IRAG1: variants seen among roughly 807,000 people sequenced by gnomAD.
IRAG1 encodes IP3R-associated cGMP kinase substrate.
Under a neutral mutation model 106.2 loss-of-function variants are expected in IRAG1, and 62 were observed. The ratio of observed to expected loss-of-function variants is 0.58; its 90% confidence interval spans 0.48 to 0.72. IRAG1 has a LOEUF of 0.72. Ranked by LOEUF, IRAG1 falls within the 30% of genes least tolerant of loss-of-function variation. The probability of loss-of-function intolerance (pLI) is 0.00; values close to 1 mark genes in which losing one functional copy is unlikely to be tolerated. For missense variants in IRAG1, 1,064 were observed against 1,140.7 expected (o/e 0.93, Z 0.97); for synonymous variants, 462 against 443.9 (o/e 1.04, Z -0.51).
chr11:10,667,384 A>G (rs988265278), intron 1 of IRAG1, among the ~76,000 whole-genome samples: 1 of 152,034 alleles, frequency 6.6e-6, no homozygotes, highest in Non-Finnish European at 1.5e-5. Flanking sequence ...ACTGGTTGGG[A>G]GCAGCAGCTC....
At chr11:10,633,489 T>C (rs1297313013) in intron 3 of IRAG1, among the ~76,000 whole-genome samples, 1 of 152,238 alleles carries the variant, frequency 6.6e-6, no homozygotes, top group Non-Finnish European at 1.5e-5. Context: ...TGTGAGCCCA[T>C]GTCCCTGCCA....
At chr11:10,623,694 C>T in intron 10 of IRAG1, 84 bp downstream of exon 10, 1 of 1,255,766 alleles carries the variant, frequency 8.0e-7, no homozygotes, top group South Asian at 1.2e-5. Context: ...CACAGGAAGT[C>T]TTGTGTTTAC....
At chr11:10,586,669 C>T (rs558055367) in intron 18 of IRAG1, among the ~76,000 whole-genome samples, 3 of 152,262 alleles carry the variant, frequency 2.0e-5, no homozygotes, top group Admixed American at 6.5e-5. Context: ...CCACCTGCCT[C>T]GGCCTCCCAA....
intron 1 of IRAG1, among the ~76,000 whole-genome samples, chr11:10,667,140 C>A (rs199757960): frequency 7.3e-6 from 1 of 136,518 alleles, no homozygotes; most frequent in Non-Finnish European, 1.6e-5. Flanking sequence ...TTTTTTTTTT[C>A]GTTTTTTTGT....
Position 10,659,874 on chromosome 11 carries a change from C to A in IRAG1, c.68-7692G>T, listed in dbSNP as rs1244105411. The stretch of plus-strand genomic sequence containing the variant: ...CTTGCCCAGTTCTGTTTGTTCCAGG[C>A]TGCTCAGCAGCCTCTTCCCTGAGTC... On this transcript the variant is annotated intron_variant, in intron 1 of 20. Coordinates refer to ENST00000423302, the MANE Select transcript of IRAG1 (RefSeq NM_130385.4). This position sits in a 1 kb window ranked among gnomAD's most constrained non-coding sequence, Gnocchi z 4.1. Among the ~76,000 whole-genome samples the A allele has an allele frequency of 5.3e-5, 8 of 152,018 alleles. No individual in the cohort carries two copies. Among genetic ancestry groups the A allele is most frequent in the African/African-American group, 9.7e-5 (4 of 41,378 alleles).
chr11:10,620,025 A>T (rs1855713645), intron 10 of IRAG1, among the ~76,000 whole-genome samples: 1 of 152,204 alleles, frequency 6.6e-6, no homozygotes, highest in Non-Finnish European at 1.5e-5. Flanking sequence ...AATTGGTATA[A>T]TTTTGTAAGC....
intron 10 of IRAG1, among the ~76,000 whole-genome samples, chr11:10,613,261 CAAA>C (rs34065353): frequency 1.5e-3 from 195 of 132,976 alleles, no homozygotes; most frequent in East Asian, 2.4e-3. Context: ...ATGCTTCATA[CAAA>C]AAAAAAAAAA....
rs148655946 is a variant in IRAG1 at position 10,606,837 on chromosome 11, T to G, written c.1572-65A>C. 468 of 1,455,468 alleles carry G rather than the reference T, an allele frequency of 3.2e-4. No individual in the cohort carries two copies. The African/African-American group carries it at 5.1e-3, about 16-fold the overall frequency. The allele number at this position is 1,455,468 out of a possible 1,614,324, so 90.2% of individuals were successfully genotyped here. A position where few individuals can be genotyped will look rare whatever the true frequency, so the allele number is the denominator to read the frequency against. On this transcript the variant is annotated intron_variant, in intron 11 of 20. Transcript: ENST00000423302. Reference sequence around the variant, plus strand: ...TAGTCAATAGACCCAAAGGTGACTCTGAATGACCAGCAGACCATGTGTTTC... The same window carrying G: ...TAGTCAATAGACCCAAAGGTGACTCGGAATGACCAGCAGACCATGTGTTTC...
At chr11:10,613,803 T>C (rs972527066) in intron 10 of IRAG1, among the ~76,000 whole-genome samples, 3 of 152,210 alleles carry the variant, frequency 2.0e-5, no homozygotes, top group Non-Finnish European at 4.4e-5. Flanking sequence ...CATGTTCTTA[T>C]CTTCCGTATT....
intron 2 of IRAG1, among the ~76,000 whole-genome samples, chr11:10,635,463 A>T (rs1459489862): frequency 6.6e-6 from 1 of 152,078 alleles, no homozygotes; most frequent in African/African-American, 2.4e-5. Flanking sequence ...GGTGGGCCAA[A>T]TCCTTCTAGA....
intron 15 of IRAG1, 64 bp from the exon 16 acceptor site, chr11:10,594,259 C>CA: frequency 1.6e-5 from 23 of 1,482,714 alleles, no homozygotes; most frequent in Non-Finnish European, 1.9e-5. Context: ...CAGCAGGAAA[C>CA]AGAAACTAGG....
At chr11:10,687,784 G>A (rs1176960559) in intron 1 of IRAG1, 1 of 1,289,024 alleles carries the variant, frequency 7.8e-7, no homozygotes, top group African/African-American at 1.5e-5. Context: ...ATCTCTGGAG[G>A]GGAACAGACA....
At chr11:10,615,898 G>A (rs917025069) in intron 10 of IRAG1, among the ~76,000 whole-genome samples, 2 of 137,644 alleles carry the variant, frequency 1.5e-5, no homozygotes, top group Non-Finnish European at 3.2e-5. Flanking sequence ...AAACTTGCAC[G>A]TTGTGCACAT....
At chr11:10,693,082 T>A (rs1358184492) in intron 1 of IRAG1, among the ~76,000 whole-genome samples, 1 of 151,854 alleles carries the variant, frequency 6.6e-6, no homozygotes, top group Non-Finnish European at 1.5e-5. Flanking sequence ...GGCTTAAGGA[T>A]CTAGACAGGT....
chr11:10,624,159 A>C (rs918157223), intron 9 of IRAG1, among the ~76,000 whole-genome samples: 2 of 152,178 alleles, frequency 1.3e-5, no homozygotes, highest in Non-Finnish European at 2.9e-5. Flanking sequence ...GCTTGGCCTC[A>C]CTGTGGCTGA....
At chr11:10,685,726 G>GAA (rs11403147) in intron 1 of IRAG1, among the ~76,000 whole-genome samples, 1,731 of 135,748 alleles carry the variant, frequency 0.013, 25 homozygotes, top group African/African-American at 0.027. Context: ...TGCCTCTCTT[G>GAA]AAAAAAAAAA....
Position 10,594,210 on chromosome 11 carries a change from A to C in IRAG1, c.2018-15T>G. 1 of 1,606,070 alleles carries C rather than the reference A, an allele frequency of 6.2e-7. No homozygotes were observed. Among genetic ancestry groups the C allele is most frequent in the East Asian group, 2.2e-5 (1 of 44,690 alleles). On this transcript the variant is annotated splice_polypyrimidine_tract_variant and intron_variant, in intron 15 of 20. Transcript: ENST00000423302. ...GACCCCATCTTCTGCAGCAGGAGGG[A>C]GCAGAGAAGAGAACACAGGTAAGTT...
chr11:10,594,180 C>T lies in IRAG1; in HGVS notation c.2033G>A (p.Arg678His), dbSNP rs760751365. Reference protein sequence around the residue: ...SCGPSEDGVPRTARSMSLTLG... With the variant: ...SCGPSEDGVPHTARSMSLTLG... ...CGTGAGGGACATGGACCGTGCCGTGCGAGGGACCCCATCTTCTGCAGCAGG... is the reference window on the plus strand; with the variant it reads ...CGTGAGGGACATGGACCGTGCCGTGTGAGGGACCCCATCTTCTGCAGCAGG... Residue 678 changes from arginine to histidine, a missense_variant, in exon 16 of 21, where the codon CGC (arginine) becomes CAC (histidine). Coordinates refer to ENST00000423302, the MANE Select transcript of IRAG1 (RefSeq NM_130385.4). The T allele has an allele frequency of 5.0e-6, 8 of 1,609,940 alleles. No homozygotes were observed. The highest frequency in any genetic ancestry group is 1.1e-5 in the South Asian group (1 of 89,770).
rs67434222 is a variant in IRAG1 at position 10,575,745 on chromosome 11, C to CTTTTTTT, written c.*580_*586dup. The CTTTTTTT allele has an allele frequency of 7.6e-6, 1 of 131,744 alleles. No individual in the cohort carries two copies. 8.2% of individuals were successfully genotyped at this position (131,744 alleles called of 1,614,324 possible). ...AGCACTGAGCTAAATTCAGCCTATACTTTTTTTTTTTTTTCTGAGAAGCCT... is the reference window on the plus strand; with the variant it reads ...AGCACTGAGCTAAATTCAGCCTATACTTTTTTTTTTTTTTTTTTTTTCTGAGAAGCCT... On this transcript the variant is annotated 3_prime_UTR_variant, in exon 21 of 21. Transcript: ENST00000423302.
Sources: gnomAD v4.1 joint callset for allele counts (sites outside exome capture counted in the v4.1 genomes callset) on GRCh38, gnomAD v4.1.1 for gene constraint, Gnocchi (gnomAD v3.1) non-coding constraint, MANE v1.5 for transcripts, NCBI Gene and HGNC (gene_info 2026-07-23, HGNC 2026-07-21) for gene names.